The following TNNT3 variants were observed in gnomAD, a reference collection of about 807,000 sequenced individuals.
The protein encoded by TNNT3 is troponin T, fast skeletal muscle.
Under a neutral mutation model 54.2 loss-of-function variants are expected in TNNT3, and 36 were observed. That is an observed-to-expected ratio of 0.66 (90% confidence interval 0.51 to 0.88). The LOEUF is 0.88. Among genes scored for constraint, TNNT3 ranks in the 40% least tolerant of loss-of-function variants. The pLI, the probability that TNNT3 is intolerant of heterozygous loss-of-function variation, is 0.00. For missense variants in TNNT3, 291 were observed against 331.6 expected, an observed-to-expected ratio of 0.88 and a Z score of 0.95; for synonymous variants, 120 against 109.7, an observed-to-expected ratio of 1.09 and a Z score of -0.59.
chr11:1,927,461 C>T (rs1300839464), intron 6 of TNNT3, among the ~76,000 whole-genome samples: 1 of 152,156 alleles, frequency 6.6e-6, no homozygotes, highest in South Asian at 2.1e-4. Flanking sequence ...GGCTGAGGGG[C>T]TCCTCCCTGC....
Position 1,934,419 on chromosome 11 carries a change from G to A in TNNT3, c.454G>A (p.Ala152Thr), listed in dbSNP as rs1374534603. The stretch of plus-strand genomic sequence containing the variant: ...GAAGAAAGCTCTGTCTTCCATGGGA[G>A]CCAACTACAGCAGCTACCTGGCCAA... The part of the protein sequence containing the change: ...KKKKALSSMG[A>T]NYSSYLAKAD... The change falls in exon 12 of 16, where the codon GCC (alanine) becomes ACC (threonine). Residue 152 changes from alanine to threonine, a missense_variant. Transcript: ENST00000278317. The A allele has an allele frequency of 3.1e-6, 5 of 1,613,652 alleles. No homozygotes were observed. The highest frequency in any genetic ancestry group is 4.2e-6 in the Non-Finnish European group (5 of 1,180,040).
chr11:1,938,074 C>G, intron 15 of TNNT3: 1 of 339,172 alleles, frequency 2.9e-6, no homozygotes, highest in Middle Eastern at 1.1e-3. Flanking sequence ...TCAGAGGCCA[C>G]CGTCTGGAGG....
At chr11:1,923,183 T>C in intron 3 of TNNT3, 122 bp downstream of exon 3, 2 of 1,413,666 alleles carry the variant, frequency 1.4e-6, no homozygotes, top group Non-Finnish European at 2.0e-6. Flanking sequence ...CTGCATCCCA[T>C]GGGTGGCTTC....
At chr11:1,928,835 C>T in intron 6 of TNNT3, 1 of 384,788 alleles carries the variant, frequency 2.6e-6, no homozygotes, top group Non-Finnish European at 4.5e-6. Flanking sequence ...GCCCTTAGCC[C>T]CCCACCTTGC....
At chr11:1,933,671 C>T in intron 9 of TNNT3, 50 bp from the exon 10 acceptor site, 1 of 1,464,266 alleles carries the variant, frequency 6.8e-7, no homozygotes, top group Non-Finnish European at 9.6e-7. Flanking sequence ...CCAGGCAGGG[C>T]AGAGGTTGGA....
intron 14 of TNNT3, chr11:1,936,235 G>A: frequency 1.9e-6 from 3 of 1,613,900 alleles, no homozygotes; most frequent in Non-Finnish European, 2.5e-6. Flanking sequence ...CCGGGCCAGA[G>A]TGCAGATGCT....
chr11:1,921,969 G>A (rs1564793592), intron 1 of TNNT3, among the ~76,000 whole-genome samples: 1 of 152,172 alleles, frequency 6.6e-6, no homozygotes, highest in Non-Finnish European at 1.5e-5. Flanking sequence ...AGCCAGTCCT[G>A]GGCATGGAGC....
At position 1,929,163 on chromosome 11, in the gene TNNT3, GC is replaced by G; in HGVS notation, c.106+22del. ...CGGAAGGTAAGGGCCCGTCCCTGCC[GC>G]CGGAGGTGCAGGACCCTGGCTCTAG... On this transcript the variant is annotated intron_variant, in intron 7 of 15. Coordinates refer to ENST00000278317, the MANE Select transcript of TNNT3 (RefSeq NM_006757.4). 3 of 1,612,170 alleles carry G rather than the reference GC, an allele frequency of 1.9e-6. No homozygotes were observed. Among genetic ancestry groups the G allele is most frequent in the Non-Finnish European group, 2.5e-6 (3 of 1,179,890 alleles).
chr11:1,925,348 G>C (rs1432422122), intron 5 of TNNT3: 1 of 1,456,972 alleles, frequency 6.9e-7, no homozygotes, highest in Admixed American at 2.0e-5. Context: ...GGGGGTGGGG[G>C]AGAGGGGGAG....
chr11:1,921,863 C>T (rs1850182973), intron 1 of TNNT3, among the ~76,000 whole-genome samples: 1 of 152,244 alleles, frequency 6.6e-6, no homozygotes, highest in Non-Finnish European at 1.5e-5. Context: ...CTCAGAGCCT[C>T]CCCAGGCCTG....
intron 14 of TNNT3, chr11:1,935,664 G>A (rs1195550058): frequency 5.7e-6 from 1 of 174,086 alleles, no homozygotes; most frequent in Non-Finnish European, 1.2e-5. Context: ...GGTGATCCAC[G>A]TGCTCGGGGC....
chr11:1,922,866 A>C lies in TNNT3; in HGVS notation c.-9A>C. 1.2e-6 allele frequency: 2 copies of C among 1,612,170 alleles called. No individual in the cohort carries two copies. Among genetic ancestry groups the C allele is most frequent in the African/African-American group, 1.3e-5 (1 of 74,532 alleles). ...GAATCTCTCTCTGCAGAAACCACCC[A>C]CCTTCACCATGTCTGACGAGGAAGT... On this transcript the variant is annotated 5_prime_UTR_variant, in exon 2 of 16. Coordinates refer to ENST00000278317, the MANE Select transcript of TNNT3 (RefSeq NM_006757.4).
At chr11:1,938,298 G>T (rs568733993) in intron 15 of TNNT3, 140 bp from the exon 16 acceptor site, 8 of 903,248 alleles carry the variant, frequency 8.9e-6, no homozygotes, top group Non-Finnish European at 1.1e-5. Flanking sequence ...ACTGAAGCTG[G>T]GTGTGGGCCG....
intron 12 of TNNT3, 30 bp from the exon 13 acceptor site, chr11:1,934,515 AG>A (rs771531297): frequency 1.2e-6 from 2 of 1,607,476 alleles, no homozygotes; most frequent in South Asian, 2.2e-5. Context: ...TCCTGAGACC[AG>A]GCCCCTCTCT....
At chr11:1,926,621 C>G in intron 5 of TNNT3, 74 bp from the exon 6 acceptor site, 4 of 1,611,280 alleles carry the variant, frequency 2.5e-6, no homozygotes, top group Non-Finnish European at 2.5e-6. Flanking sequence ...CCGCCCTCCT[C>G]TCTGCGCTGC....
intron 1 of TNNT3, among the ~76,000 whole-genome samples, chr11:1,921,183 T>A (rs1050121745): frequency 1.3e-5 from 2 of 152,136 alleles, no homozygotes; most frequent in Non-Finnish European, 2.9e-5. Flanking sequence ...ACGTCTTGCC[T>A]ATTTCTGGAC....
intron 5 of TNNT3, chr11:1,926,352 C>G: frequency 7.8e-7 from 1 of 1,285,672 alleles, no homozygotes; most frequent in Admixed American, 1.7e-5. Context: ...GCTCCCCGCA[C>G]GCACCCCACC....
At chr11:1,925,030 G>A in intron 4 of TNNT3, 69 bp from the exon 5 acceptor site, 1 of 1,584,302 alleles carries the variant, frequency 6.3e-7, no homozygotes, top group South Asian at 1.1e-5. Flanking sequence ...AGTACACTCT[G>A]ATCACTGTCT....
At chr11:1,924,841 C>T in intron 4 of TNNT3, 1 of 608,520 alleles carries the variant, frequency 1.6e-6, no homozygotes. Context: ...TGGGAGGGGC[C>T]TCAGAACCCC....
Sources: allele counts gnomAD v4.1 joint callset (sites outside exome capture counted in the v4.1 genomes callset), GRCh38; gene constraint gnomAD v4.1.1; transcripts MANE v1.5; gene names NCBI Gene and HGNC (gene_info 2026-07-23, HGNC 2026-07-21).